Variants in UPF3A observed in about 807,000 individuals in gnomAD.
UPF3A encodes the protein UPF3A regulator of nonsense mediated mRNA decay, also known as regulator of nonsense transcripts 3A.
Under a neutral mutation model 53.5 loss-of-function variants are expected in UPF3A, and 42 were observed. The observed-to-expected ratio is 0.78, with a 90% CI of 0.61 to 1.01. The LOEUF (loss-of-function observed/expected upper bound fraction) is 1.01. Among genes scored for constraint, UPF3A ranks in the 50% least tolerant of loss-of-function variants. The pLI is 0.00. For missense variants in UPF3A, 575 were observed against 598.0 expected (o/e 0.96, Z 0.40); for synonymous variants, 237 against 225.3 (o/e 1.05, Z -0.47).
At chr13:114,287,459 T>C (rs2084820093) in intron 5 of UPF3A, 1 of 152,194 alleles carries the variant, frequency 6.6e-6, no homozygotes, top group Middle Eastern at 3.2e-3. Context: ...GGCATGGTGG[T>C]GCGTGCCTAT....
At chr13:114,294,840 C>CGT (rs2085690447) in intron 7 of UPF3A, among the ~76,000 whole-genome samples, 1 of 136,388 alleles carries the variant, frequency 7.3e-6, no homozygotes, top group East Asian at 2.3e-4. Context: ...GGCTGGACCG[C>CGT]GGTGGCTCAC....
chr13:114,297,121 C>T (rs1479248082), intron 7 of UPF3A, among the ~76,000 whole-genome samples: 6 of 152,090 alleles, frequency 3.9e-5, no homozygotes, highest in Non-Finnish European at 8.8e-5. Flanking sequence ...TTGAATGCAT[C>T]TGTGTATGGT....
At position 114,301,930 on chromosome 13, in the gene UPF3A, G is replaced by A. The variant is rs772399317; in HGVS notation, c.1207G>A (p.Asp403Asn). ...GQDRGKKGSQ[D>N]SGAPGEAMER... ...AGACAGAGGGAAGAAGGGGAGCCAG[G>A]ACAGCGGGGCTCCGGGGGAGGCCAT... Residue 403 changes from aspartate to asparagine, a missense_variant, in exon 9 of 10, where the codon GAC becomes AAC. Asp to Asn is a conservative substitution (Grantham distance 23, BLOSUM62 1). Transcript: ENST00000375299. 3.9e-5 allele frequency: 63 copies of A among 1,610,834 alleles called. 1 individual carries two copies. The Middle Eastern group carries it at 1.0e-3, about 26-fold the overall frequency.
intron 8 of UPF3A, among the ~76,000 whole-genome samples, chr13:114,300,556 T>C (rs1234546332): frequency 2.0e-5 from 3 of 151,062 alleles, no homozygotes; most frequent in Non-Finnish European, 4.4e-5. Context: ...TTTTTTGTTT[T>C]TTTGAAACGG....
chr13:114,302,592 G>A (rs1309052245), intron 9 of UPF3A, among the ~76,000 whole-genome samples: 2 of 152,144 alleles, frequency 1.3e-5, no homozygotes, highest in African/African-American at 2.4e-5. Context: ...CAAACTGAGG[G>A]CTGCCTAGGG....
intron 2 of UPF3A, chr13:114,282,399 C>G: frequency 8.3e-7 from 1 of 1,210,352 alleles, no homozygotes. Flanking sequence ...ACCAGCGTTG[C>G]CCGCCCGGCG....
At chr13:114,283,832 A>G (rs1036127061) in intron 3 of UPF3A, 1 of 985,294 alleles carries the variant, frequency 1.0e-6, no homozygotes, top group Middle Eastern at 5.2e-4. Flanking sequence ...TATACCTTTC[A>G]CAGCAAGTTG....
chr13:114,301,916 A>G lies in UPF3A; in HGVS notation c.1193A>G (p.Lys398Arg), dbSNP rs143978425. 300 of 1,610,298 alleles carry G rather than the reference A, an allele frequency of 1.9e-4. 1 individual carries two copies. In the African/African-American group the frequency reaches 3.8e-3, roughly 20 times the overall value. The change falls in exon 9 of 10, where the codon AAG becomes AGG. Residue 398 changes from lysine (K) to arginine (R), a missense_variant. By Grantham distance (26) the Lys-to-Arg change is conservative (BLOSUM62 2). Transcript: ENST00000375299. ...WGKGPGQDRGKKGSQDSGAPG... is the reference protein window; with the variant it reads ...WGKGPGQDRGRKGSQDSGAPG... ...AAAGGACCTGGCCAAGACAGAGGGA[A>G]GAAGGGGAGCCAGGACAGCGGGGCT...
intron 3 of UPF3A, among the ~76,000 whole-genome samples, chr13:114,284,421 G>A (rs1209876099): frequency 6.6e-6 from 1 of 151,670 alleles, no homozygotes; most frequent in Non-Finnish European, 1.5e-5. Flanking sequence ...ACATGGCCAG[G>A]TGTGATGGCT....
At chr13:114,296,786 CA>C (rs1448161986) in intron 7 of UPF3A, among the ~76,000 whole-genome samples, 1 of 152,106 alleles carries the variant, frequency 6.6e-6, no homozygotes, top group Non-Finnish European at 1.5e-5. Context: ...GAATGTGGAG[CA>C]CGCAGCTGGT....
chr13:114,284,565 G>A (rs994588169), intron 3 of UPF3A, among the ~76,000 whole-genome samples: 1 of 151,530 alleles, frequency 6.6e-6, no homozygotes, highest in Non-Finnish European at 1.5e-5. Flanking sequence ...CAGGCATCAT[G>A]AGGCATGCCT....
intron 7 of UPF3A, among the ~76,000 whole-genome samples, chr13:114,294,617 A>G (rs940774257): frequency 1.3e-5 from 2 of 152,204 alleles, no homozygotes; most frequent in African/African-American, 4.8e-5. Flanking sequence ...CGAGGTCAGG[A>G]GATCGAGACC....
At chr13:114,295,922 C>G (rs2085941688) in intron 7 of UPF3A, among the ~76,000 whole-genome samples, 1 of 152,150 alleles carries the variant, frequency 6.6e-6, no homozygotes, top group African/African-American at 2.4e-5. Context: ...CCCCAGGCAG[C>G]TTCAGGATGG....
At chr13:114,282,631 G>A (rs2084223044) in intron 2 of UPF3A, 1 of 985,242 alleles carries the variant, frequency 1.0e-6, no homozygotes, top group South Asian at 4.7e-5. Flanking sequence ...GGGCAGTGGA[G>A]AAGGGACCTG....
chr13:114,286,680 G>A (rs2084726363), intron 5 of UPF3A, 51 bp downstream of exon 5: 1 of 1,428,816 alleles, frequency 7.0e-7, no homozygotes, highest in Admixed American at 2.2e-5. Flanking sequence ...TTTACTCGTA[G>A]AGGATATACG....
At chr13:114,281,961 G>T (rs1300651663) in intron 1 of UPF3A, 60 bp from the exon 2 acceptor site, 23 of 1,474,596 alleles carry the variant, frequency 1.6e-5, no homozygotes, top group Non-Finnish European at 2.7e-6. Flanking sequence ...GGTACGCGGT[G>T]CCTTTTGAGC....
chr13:114,295,231 G>A (rs1295246986), intron 7 of UPF3A, among the ~76,000 whole-genome samples: 1 of 152,136 alleles, frequency 6.6e-6, no homozygotes, highest in Non-Finnish European at 1.5e-5. Context: ...ACACACAGGC[G>A]AGGGCTGGGA....
In UPF3A at chr13:114,291,545, G is replaced by A. The variant is rs926838031; in HGVS notation, c.687+1G>A. The stretch of plus-strand genomic sequence containing the variant: ...TAAAAATAGAAAATTAGAAAAGCAG[G>A]TAGGTCTGGCCTTTACCTGATGAAC... On this transcript the variant is annotated splice_donor_variant, in intron 6 of 9. Transcript: ENST00000375299. LOFTEE classifies it high-confidence loss of function. The A allele has an allele frequency of 1.9e-6, 3 of 1,609,386 alleles. No individual in the cohort carries two copies. Among genetic ancestry groups the A allele is most frequent in the Non-Finnish European group, 2.5e-6 (3 of 1,178,866 alleles).
intron 5 of UPF3A, among the ~76,000 whole-genome samples, chr13:114,290,856 C>T (rs925717484): frequency 6.6e-6 from 1 of 151,704 alleles, no homozygotes; most frequent in African/African-American, 2.4e-5. Context: ...GCCTCAGCCT[C>T]CCGAGTAGCT....
Sources: gnomAD v4.1 joint callset for allele counts (sites outside exome capture counted in the v4.1 genomes callset) on GRCh38, gnomAD v4.1.1 for gene constraint, MANE v1.5 for transcripts, NCBI Gene and HGNC (gene_info 2026-07-23, HGNC 2026-07-21) for gene names.